The following NSD1 variants were observed in gnomAD, a reference collection of about 807,000 sequenced individuals.
NSD1 encodes histone-lysine N-methyltransferase, H3 lysine-36 specific.
NSD1 carries 26 observed loss-of-function variants against 242.7 expected under a neutral mutation model. The observed-to-expected ratio is 0.11, with a 90% CI of 0.08 to 0.15. The LOEUF is 0.15. Among genes scored for constraint, NSD1 ranks in the 10% least tolerant of loss-of-function variants. The probability of loss-of-function intolerance (pLI) is 1.00; values close to 1 mark genes in which losing one functional copy is unlikely to be tolerated. For synonymous variants in NSD1, 1,106 were observed against 1,178.1 expected, an observed-to-expected ratio of 0.94 and a Z score of 1.25; for missense variants, 2,495 against 3,272.8, an observed-to-expected ratio of 0.76 and a Z score of 5.80.
chr5:177,160,280 AT>A (rs1281836464), intron 2 of NSD1, among the ~76,000 whole-genome samples: 1 of 151,710 alleles, frequency 6.6e-6, no homozygotes. Context: ...GCTTTACTTC[AT>A]TTTTTAATGT....
chr5:177,204,724 C>T (rs1762752438), intron 4 of NSD1, among the ~76,000 whole-genome samples: 1 of 152,018 alleles, frequency 6.6e-6, no homozygotes, highest in South Asian at 2.1e-4. Flanking sequence ...TAAGTTATTT[C>T]CTTTGGTAGT....
intron 6 of NSD1, among the ~76,000 whole-genome samples, chr5:177,237,962 A>G (rs1041769323): frequency 6.6e-6 from 1 of 152,172 alleles, no homozygotes; most frequent in South Asian, 2.1e-4. Context: ...CCCATTAACC[A>G]ATAACTCCCT....
rs372090878 is a variant in NSD1, at chr5:177,256,595, C to T, written c.4766-356C>T. On this transcript the variant is annotated intron_variant, in intron 12 of 22. Transcript: ENST00000439151. ...TCCTCTCCCAGCCCAACTTAAATTT[C>T]GTTGGTTGCCTCCTGGAGGTATCCC... 5.3e-5 allele frequency among the ~76,000 whole-genome samples: 8 copies of T among 152,294 alleles called. No homozygotes were observed. In the South Asian group the frequency reaches 6.2e-4, roughly 12 times the overall value.
At position 177,298,271 on chromosome 5, in the gene NSD1, G is replaced by T. The variant is rs1760376016; in HGVS notation, c.*2812G>T. Reference sequence around the variant, plus strand: ...AACTTCTGGTCCTTAACGCAGGGTGGTATTTGGGTATGTGCTTGGAAATTG... The same window carrying T: ...AACTTCTGGTCCTTAACGCAGGGTGTTATTTGGGTATGTGCTTGGAAATTG... On this transcript the variant is annotated 3_prime_UTR_variant, in exon 23 of 23. Transcript: ENST00000439151. 4.3e-6 allele frequency: 1 copy of T among 233,234 alleles called. No homozygotes were observed. 14.4% of individuals were successfully genotyped at this position (233,234 alleles called of 1,614,324 possible). A position where few individuals can be genotyped will look rare whatever the true frequency, so the allele number is the denominator to read the frequency against.
intron 2 of NSD1, among the ~76,000 whole-genome samples, chr5:177,155,430 ATTTTTGTAT>A (rs1324034817): frequency 1.3e-5 from 2 of 150,444 alleles, no homozygotes; most frequent in Non-Finnish European, 3.0e-5. Flanking sequence ...GTGTGACCTA[ATTTTTGTAT>A]TTTTAGTAGA....
In NSD1 at chr5:177,294,496, GA is replaced by G; in HGVS notation, c.7132del (p.Thr2378ProfsTer7). On this transcript the variant is annotated frameshift_variant, in exon 23 of 23. Coordinates refer to ENST00000439151, the MANE Select transcript of NSD1 (RefSeq NM_022455.5). LOFTEE classifies it high-confidence loss of function. ...AASPRPQSLE[K>X]TSVPTGLRLP... ...CCAGCCCAAGGCCCCAGTCACTGGA[GA>G]AAACCTCAGTTCCCACTGGCCTGAG... The G allele has an allele frequency of 6.2e-7, 1 of 1,614,208 alleles. No individual in the cohort carries two copies. Among genetic ancestry groups the G allele is most frequent in the Non-Finnish European group, 8.5e-7 (1 of 1,180,034 alleles).
intron 17 of NSD1, among the ~76,000 whole-genome samples, chr5:177,279,868 C>T (rs1432527854): frequency 1.3e-5 from 2 of 150,914 alleles, no homozygotes; most frequent in African/African-American, 4.9e-5. Flanking sequence ...CCACCTGCCT[C>T]GGCCTCCCAA....
chr5:177,187,360 C>T (rs1424121044), intron 2 of NSD1, among the ~76,000 whole-genome samples: 1 of 152,116 alleles, frequency 6.6e-6, no homozygotes, highest in East Asian at 1.9e-4. Context: ...CCACCTTGGC[C>T]TCCCAAAGTG....
chr5:177,142,318 T>A (rs963438309), intron 2 of NSD1, among the ~76,000 whole-genome samples: 2 of 152,012 alleles, frequency 1.3e-5, no homozygotes, highest in Middle Eastern at 3.2e-3. Context: ...AATAAAAAAA[T>A]TAAAAAAAGG....
intron 2 of NSD1, among the ~76,000 whole-genome samples, chr5:177,165,089 A>G (rs1220512602): frequency 1.3e-5 from 2 of 152,190 alleles, no homozygotes; most frequent in African/African-American, 2.4e-5. Context: ...CAACATAGGG[A>G]AACCTCATCT....
chr5:177,248,856 T>C lies in NSD1; in HGVS notation c.4641+532T>C, dbSNP rs905228851. ...TAATAATCTCATAAGTAGAGTTCTATGATTATTCCCATTTTGCAGATGAGG... is the reference window on the plus strand; with the variant it reads ...TAATAATCTCATAAGTAGAGTTCTACGATTATTCCCATTTTGCAGATGAGG... On this transcript the variant is annotated intron_variant, in intron 11 of 22. Coordinates refer to ENST00000439151, the MANE Select transcript of NSD1 (RefSeq NM_022455.5). 5.3e-5 allele frequency among the ~76,000 whole-genome samples: 8 copies of C among 152,226 alleles called. No homozygotes were observed. In the East Asian group the frequency reaches 1.5e-3, roughly 29 times the overall value.
chr5:177,166,768 A>T (rs1393034675), intron 2 of NSD1, among the ~76,000 whole-genome samples: 1 of 139,682 alleles, frequency 7.2e-6, no homozygotes, highest in African/African-American at 2.7e-5. Context: ...TTTCCCTGAG[A>T]TGGAGTCTCG....
chr5:177,132,428 C>G (rs958937463), upstream of NSD1, among the ~76,000 whole-genome samples: 1 of 151,658 alleles, frequency 6.6e-6, no homozygotes, highest in East Asian at 1.9e-4. This position sits in a 1 kb window ranked among gnomAD's most constrained non-coding sequence, Gnocchi z 7.5. Flanking sequence ...CCCGAGCCCC[C>G]GTGCCAGGCC....
Position 177,288,929 on chromosome 5 carries a change from C to A in NSD1, c.6258+4C>A. 1.2e-6 allele frequency: 2 copies of A among 1,605,842 alleles called. No individual in the cohort carries two copies. Among genetic ancestry groups the A allele is most frequent in the South Asian group, 1.1e-5 (1 of 90,920 alleles). ...CTTCTTGGGTGTAAGGCCAAAGGTA[C>A]CACCCTTCTAGACTTCTGCTTTGGG... On this transcript the variant is annotated splice_donor_region_variant and intron_variant, in intron 21 of 22. Transcript: ENST00000439151.
chr5:177,217,651 G>A (rs116598529), intron 5 of NSD1, among the ~76,000 whole-genome samples: 3,825 of 149,292 alleles, frequency 0.026, 51 homozygotes, highest in African/African-American at 0.03. Flanking sequence ...TTTTGTTTTT[G>A]GACAGCGTCA....
chr5:177,133,948 G>GCCGGCTGCCCT lies in NSD1; in HGVS notation c.-21_-20insCGGCTGCCCTC. Reference sequence around the variant, plus strand: ...CAGCTGGCCCGGGAGGGGGCGCGGGGCACGGTAACTAGTGCGCTGGGGTGG... The same window carrying GCCGGCTGCCCT: ...CAGCTGGCCCGGGAGGGGGCGCGGGGCCGGCTGCCCTCACGGTAACTAGTGCGCTGGGGTGG... On this transcript the variant is annotated 5_prime_UTR_variant, in exon 1 of 23. Coordinates refer to ENST00000439151, the MANE Select transcript of NSD1 (RefSeq NM_022455.5). This position sits in a 1 kb window ranked among gnomAD's most constrained non-coding sequence, Gnocchi z 6.2. 6.5e-6 allele frequency: 1 copy of GCCGGCTGCCCT among 154,728 alleles called. No individual in the cohort carries two copies. Among genetic ancestry groups the GCCGGCTGCCCT allele is most frequent in the African/African-American group, 2.4e-5 (1 of 41,302 alleles). The allele number at this position is 154,728 out of a possible 1,614,324, so 9.6% of individuals were successfully genotyped here.
At chr5:177,198,709 T>C (rs1383041418) in intron 3 of NSD1, among the ~76,000 whole-genome samples, 1 of 152,192 alleles carries the variant, frequency 6.6e-6, no homozygotes, top group Non-Finnish European at 1.5e-5. Context: ...TTTTCATCCT[T>C]CTTGAATGAC....
intron 3 of NSD1, among the ~76,000 whole-genome samples, chr5:177,197,037 C>T (rs1410267173): frequency 2.6e-5 from 4 of 152,206 alleles, no homozygotes; most frequent in East Asian, 3.9e-4. Context: ...GAATCCGAGG[C>T]GGGCGGATCA....
intron 2 of NSD1, among the ~76,000 whole-genome samples, chr5:177,184,469 A>G (rs1760937738): frequency 6.6e-6 from 1 of 151,712 alleles, no homozygotes; most frequent in Admixed American, 6.6e-5. Context: ...CTTTAATTTG[A>G]TTGTTATATT....
Sources: gnomAD v4.1 joint callset for allele counts (sites outside exome capture counted in the v4.1 genomes callset) on GRCh38, gnomAD v4.1.1 for gene constraint, Gnocchi (gnomAD v3.1) non-coding constraint, MANE v1.5 for transcripts, NCBI Gene and HGNC (gene_info 2026-07-23, HGNC 2026-07-21) for gene names.